Variants in SHISA9 observed in about 807,000 individuals in gnomAD.
SHISA9 encodes protein shisa-9.
Under a neutral mutation model 38.0 loss-of-function variants are expected in SHISA9, and 13 were observed. That is an observed-to-expected ratio of 0.34 (90% confidence interval 0.22 to 0.54). The LOEUF is 0.54. Ranked by LOEUF, SHISA9 falls within the 20% of genes least tolerant of loss-of-function variation. The pLI, the probability that SHISA9 is intolerant of heterozygous loss-of-function variation, is 0.91. For synonymous variants in SHISA9, 275 were observed against 242.0 expected, an observed-to-expected ratio of 1.14 and a Z score of -1.27; for missense variants, 538 against 575.8, an observed-to-expected ratio of 0.93 and a Z score of 0.67.
chr16:12,944,989 A>G (rs2071670250), intron 2 of SHISA9, among the ~76,000 whole-genome samples: 1 of 152,132 alleles, frequency 6.6e-6, no homozygotes, highest in African/African-American at 2.4e-5. Context: ...TGGGGGAGCA[A>G]GAAGAACGTG....
chr16:13,077,463 A>G (rs564436374), intron 2 of SHISA9, among the ~76,000 whole-genome samples: 6 of 152,210 alleles, frequency 3.9e-5, no homozygotes, highest in South Asian at 4.2e-4. Flanking sequence ...GTACCAGGTG[A>G]TGCTCTCTGG....
intron 2 of SHISA9, among the ~76,000 whole-genome samples, chr16:13,040,847 G>T (rs556340981): frequency 2.0e-5 from 3 of 152,304 alleles, no homozygotes; most frequent in African/African-American, 7.2e-5. Context: ...AACATTGTTT[G>T]TTTTAAGTTG....
intron 2 of SHISA9, among the ~76,000 whole-genome samples, chr16:13,053,641 A>T (rs1487933522): frequency 1.3e-5 from 2 of 151,636 alleles, no homozygotes; most frequent in Non-Finnish European, 2.9e-5. Context: ...TTCAGTTTTC[A>T]GACCTCCCTG....
chr16:13,280,071 C>T, the SHISA9 span, among the ~76,000 whole-genome samples: 3 of 141,068 alleles, frequency 2.1e-5, no homozygotes, highest in African/African-American at 7.9e-5. Context: ...AGTGATGCTA[C>T]TTTTTCATTT....
intron 2 of SHISA9, among the ~76,000 whole-genome samples, chr16:12,987,442 C>T (rs1371989713): frequency 1.3e-5 from 2 of 152,146 alleles, no homozygotes; most frequent in African/African-American, 4.8e-5. Flanking sequence ...ATGTCCTTTG[C>T]AGGGACATGG....
chr16:12,969,956 A>G (rs2072033457), intron 2 of SHISA9, among the ~76,000 whole-genome samples: 1 of 152,096 alleles, frequency 6.6e-6, no homozygotes, highest in African/African-American at 2.4e-5. Flanking sequence ...TGCAGGGAAA[A>G]AATAATCACT....
At chr16:13,278,479 T>G in the SHISA9 span, among the ~76,000 whole-genome samples, 1 of 152,054 alleles carries the variant, frequency 6.6e-6, no homozygotes, top group African/African-American at 2.4e-5. Flanking sequence ...TGGAATAGTG[T>G]CAAAAGGATT....
chr16:13,319,553 G>A, the SHISA9 span, among the ~76,000 whole-genome samples: 1 of 152,128 alleles, frequency 6.6e-6, no homozygotes, highest in African/African-American at 2.4e-5. Flanking sequence ...CAAGGCTGTG[G>A]CTGGAAAGAG....
intron 2 of SHISA9, among the ~76,000 whole-genome samples, chr16:13,005,667 G>C (rs1158472436): frequency 1.3e-5 from 2 of 152,150 alleles, no homozygotes; most frequent in Non-Finnish European, 2.9e-5. Context: ...AGGCCAGTAG[G>C]ACCTTCTGAT....
rs1044412334 is a variant in SHISA9, at chr16:13,239,914, C to CTATG, written c.*4506_*4509dup. 2 of 152,218 alleles carry CTATG rather than the reference C, an allele frequency of 1.3e-5. No homozygotes were observed. Among genetic ancestry groups the CTATG allele is most frequent in the African/African-American group, 4.8e-5 (2 of 41,454 alleles). The allele number at this position is 152,218 out of a possible 1,614,324, so 9.4% of individuals were successfully genotyped here. A position where few individuals can be genotyped will look rare whatever the true frequency, so the allele number is the denominator to read the frequency against. On this transcript the variant is annotated 3_prime_UTR_variant, in exon 5 of 5. Coordinates refer to ENST00000558583, the MANE Select transcript of SHISA9 (RefSeq NM_001145204.3). ...TCACAATATGGAAAGACGGGACAAC[C>CTATG]TATGGAACTATCTGTGACTTCCATG...
At chr16:13,139,864 C>T (rs2050384071) in intron 2 of SHISA9, among the ~76,000 whole-genome samples, 1 of 152,168 alleles carries the variant, frequency 6.6e-6, no homozygotes, top group South Asian at 2.1e-4. Flanking sequence ...AGGCCTTGCT[C>T]TTCAGAGTCA....
At chr16:12,929,953 C>G (rs566494355) in intron 2 of SHISA9, among the ~76,000 whole-genome samples, 21 of 152,130 alleles carry the variant, frequency 1.4e-4, no homozygotes, top group Admixed American at 6.5e-5. Flanking sequence ...AAACTGTTAT[C>G]TTTTTGGGGG....
the SHISA9 span, among the ~76,000 whole-genome samples, chr16:13,562,380 A>T: frequency 3.3e-5 from 5 of 152,200 alleles, no homozygotes; most frequent in Non-Finnish European, 7.3e-5. Flanking sequence ...CTGTAATCCC[A>T]GCACTTTGGG....
intron 4 of SHISA9, among the ~76,000 whole-genome samples, chr16:13,224,357 C>T (rs763376221): frequency 1.3e-5 from 2 of 152,156 alleles, no homozygotes; most frequent in Admixed American, 6.5e-5. Context: ...GATCCTAGTT[C>T]GCCTGTCTGC....
downstream of SHISA9, among the ~76,000 whole-genome samples, chr16:13,242,893 C>G (rs552110439): frequency 6.6e-6 from 1 of 152,096 alleles, no homozygotes; most frequent in Non-Finnish European, 1.5e-5. Flanking sequence ...TGAGCACTTG[C>G]CAGGTACTCG....
chr16:13,489,415 T>A, the SHISA9 span, among the ~76,000 whole-genome samples: 14 of 152,204 alleles, frequency 9.2e-5, no homozygotes, highest in African/African-American at 2.6e-4. Context: ...GTGTATATAT[T>A]TTTTTTCTCA....
chr16:12,945,614 A>G (rs1451403900), intron 2 of SHISA9, among the ~76,000 whole-genome samples: 3 of 152,194 alleles, frequency 2.0e-5, no homozygotes, highest in Non-Finnish European at 4.4e-5. Flanking sequence ...AGACTCCACC[A>G]CTTACTAGTT....
At chr16:13,079,298 A>T (rs1468379715) in intron 2 of SHISA9, among the ~76,000 whole-genome samples, 2 of 152,254 alleles carry the variant, frequency 1.3e-5, no homozygotes, top group African/African-American at 4.8e-5. Context: ...GAAAACATGG[A>T]TGATGACAGA....
chr16:13,023,249 T>G (rs974942008), intron 2 of SHISA9, among the ~76,000 whole-genome samples: 1 of 152,190 alleles, frequency 6.6e-6, no homozygotes, highest in Non-Finnish European at 1.5e-5. Flanking sequence ...AATTCCCACC[T>G]ATGAGTGAGA....
Sources: allele counts gnomAD v4.1 joint callset (sites outside exome capture counted in the v4.1 genomes callset), GRCh38; gene constraint gnomAD v4.1.1; transcripts MANE v1.5; gene names NCBI Gene and HGNC (gene_info 2026-07-23, HGNC 2026-07-21).